BRD10: variants seen among roughly 807,000 people sequenced by gnomAD.
BRD10 encodes uncharacterized bromodomain-containing protein 10.
At chr9:5,992,429 T>C in the BRD10 span, among the ~76,000 whole-genome samples, 1 of 152,310 alleles carries the variant, frequency 6.6e-6, no homozygotes, top group African/African-American at 2.4e-5. Flanking sequence ...TTGAGTTCCA[T>C]TAATCAGTGA....
At chr9:5,982,103 A>G in the BRD10 span, among the ~76,000 whole-genome samples, 1 of 152,138 alleles carries the variant, frequency 6.6e-6, no homozygotes, top group Non-Finnish European at 1.5e-5. Context: ...AAGGTTAAAG[A>G]CATGCAAAAG....
At chr9:5,988,427 C>T in the BRD10 span, 1 of 1,613,936 alleles carries the variant, frequency 6.2e-7, no homozygotes, top group South Asian at 1.1e-5. Context: ...CTTGTCAAGC[C>T]TGCCAAACTT....
the BRD10 span, among the ~76,000 whole-genome samples, chr9:5,883,102 T>G: frequency 6.6e-6 from 1 of 152,094 alleles, no homozygotes; most frequent in Non-Finnish European, 1.5e-5. Flanking sequence ...GGCACATGTA[T>G]ACATATGTAA....
chr9:5,972,940 G>A, the BRD10 span, among the ~76,000 whole-genome samples: 5 of 151,690 alleles, frequency 3.3e-5, no homozygotes, highest in Non-Finnish European at 5.9e-5. Flanking sequence ...CAAAAATATA[G>A]ACAAAAAGAT....
the BRD10 span, among the ~76,000 whole-genome samples, chr9:5,884,721 G>T: frequency 6.6e-6 from 1 of 152,122 alleles, no homozygotes; most frequent in Admixed American, 6.5e-5. Context: ...GTGAACCCTG[G>T]TGTTGACTCT....
chr9:5,966,812 A>G, the BRD10 span, among the ~76,000 whole-genome samples: 1 of 152,168 alleles, frequency 6.6e-6, no homozygotes, highest in African/African-American at 2.4e-5. Context: ...GAATTTATAA[A>G]AAACAAATGG....
At chr9:5,890,833 G>C in the BRD10 span, 2 of 152,198 alleles carry the variant, frequency 1.3e-5, no homozygotes, top group African/African-American at 4.8e-5. Flanking sequence ...GACTATCATG[G>C]GACTCAAAAC....
chr9:5,987,378 C>T, the BRD10 span, among the ~76,000 whole-genome samples: 1 of 152,106 alleles, frequency 6.6e-6, no homozygotes, highest in Admixed American at 6.5e-5. Flanking sequence ...CAGCCTTCTT[C>T]GTACAAGCCT....
chr9:5,920,043 G>C, the BRD10 span: 3 of 1,613,864 alleles, frequency 1.9e-6, no homozygotes, highest in East Asian at 4.5e-5. Flanking sequence ...GTGTTTATGA[G>C]TTGTGGTGAT....
At chr9:5,975,439 C>CAAAAAA in the BRD10 span, among the ~76,000 whole-genome samples, 1 of 61,222 alleles carries the variant, frequency 1.6e-5, no homozygotes, top group African/African-American at 7.0e-5. Flanking sequence ...AACTCCATCT[C>CAAAAAA]AAAAAAAAAA....
the BRD10 span, among the ~76,000 whole-genome samples, chr9:5,880,602 C>A: frequency 6.6e-6 from 1 of 152,166 alleles, no homozygotes; most frequent in African/African-American, 2.4e-5. Context: ...TTTCCCCACA[C>A]AGACATGGTC....
chr9:5,902,668 CT>C, the BRD10 span, among the ~76,000 whole-genome samples: 475 of 140,706 alleles, frequency 3.4e-3, no homozygotes, highest in Non-Finnish European at 3.6e-3. Flanking sequence ...GATTAATTTT[CT>C]TTTTTTTTTT....
At chr9:5,903,642 G>A in the BRD10 span, among the ~76,000 whole-genome samples, 17 of 152,186 alleles carry the variant, frequency 1.1e-4, 1 homozygote, top group East Asian at 1.7e-3. Context: ...TTTCCTTGCA[G>A]TTCTATCAGT....
the BRD10 span, among the ~76,000 whole-genome samples, chr9:5,975,809 T>A: frequency 6.6e-6 from 1 of 152,110 alleles, no homozygotes; most frequent in Non-Finnish European, 1.5e-5. Flanking sequence ...CATGGGTAAA[T>A]ATGAATAAAA....
chr9:5,949,072 ATTAATT>A, the BRD10 span, among the ~76,000 whole-genome samples: 2 of 152,274 alleles, frequency 1.3e-5, no homozygotes, highest in East Asian at 3.9e-4. Context: ...GGAGAACTAT[ATTAATT>A]TTAAGGGGGA....
the BRD10 span, among the ~76,000 whole-genome samples, chr9:5,881,131 C>G: frequency 6.6e-6 from 1 of 152,194 alleles, no homozygotes; most frequent in Admixed American, 6.5e-5. Context: ...ATCCTTCCCC[C>G]ACCCCTGACA....
At chr9:5,920,675 G>T in the BRD10 span, 1 of 1,613,990 alleles carries the variant, frequency 6.2e-7, no homozygotes, top group South Asian at 1.1e-5. Flanking sequence ...AATAGATACA[G>T]AACGTGTGGC....
chr9:5,922,460 A>T, the BRD10 span: 77 of 1,613,856 alleles, frequency 4.8e-5, 1 homozygote, highest in Admixed American at 4.2e-4. Context: ...AGCACTACTT[A>T]TATTTGATAA....
the BRD10 span, among the ~76,000 whole-genome samples, chr9:6,003,434 C>T: frequency 6.6e-6 from 1 of 152,164 alleles, no homozygotes; most frequent in African/African-American, 2.4e-5. Context: ...CTTAGATGAT[C>T]TTCTCCCTGT....
Sources: gnomAD v4.1 joint callset for allele counts (sites outside exome capture counted in the v4.1 genomes callset) on GRCh38, gnomAD v4.1.1 for gene constraint, MANE v1.5 for transcripts, NCBI Gene and HGNC (gene_info 2026-07-23, HGNC 2026-07-21) for gene names.